The following SLC35F4 variants were observed in gnomAD, a reference collection of about 807,000 sequenced individuals.
The protein encoded by SLC35F4 is solute carrier family 35 member F4.
SLC35F4 carries 24 observed loss-of-function variants against 44.2 expected under a neutral mutation model. The ratio of observed to expected loss-of-function variants is 0.54; its 90% confidence interval spans 0.39 to 0.76. The LOEUF is 0.76. Ranked by LOEUF, SLC35F4 falls within the 30% of genes least tolerant of loss-of-function variation. SLC35F4 has a pLI of 0.00. For synonymous variants in SLC35F4, 238 were observed against 223.6 expected, an observed-to-expected ratio of 1.06 and a Z score of -0.57; for missense variants, 562 against 586.1, an observed-to-expected ratio of 0.96 and a Z score of 0.42.
At chr14:57,978,761 C>G (rs1045339742) in intron 1 of SLC35F4, among the ~76,000 whole-genome samples, 14 of 152,196 alleles carry the variant, frequency 9.2e-5, no homozygotes, top group African/African-American at 2.7e-4. Flanking sequence ...CAAACCTAAG[C>G]TCTTCCAAAA....
At chr14:57,639,143 T>C (rs2073127378) in intron 1 of SLC35F4, among the ~76,000 whole-genome samples, 1 of 152,068 alleles carries the variant, frequency 6.6e-6, no homozygotes, top group Non-Finnish European at 1.5e-5. Context: ...TATCACTGGT[T>C]TAGAAAACAA....
rs36099939 is a variant in SLC35F4, at chr14:57,902,563, C to CA, written n.282+79349dup. On this transcript the variant is annotated intron_variant and non_coding_transcript_variant, in intron 1 of 1. Transcript: ENST00000556568. ...GGGCAACAAGAGCGAAACTCAGTCT[C>CA]AAAAAAAAAAAAAAGAAGAAGAAGA... is the stretch of plus-strand genomic sequence containing the variant. 5.6e-3 allele frequency among the ~76,000 whole-genome samples: 717 copies of CA among 128,000 alleles called. 2 individuals carry two copies. Among genetic ancestry groups the CA allele is most frequent in the Non-Finnish European group, 7.2e-3 (427 of 58,916 alleles). The allele number at this position is 128,000 out of a possible 152,430, so 84.0% of individuals were successfully genotyped here.
chr14:57,568,379 A>G lies in SLC35F4; in HGVS notation c.1126+1409T>C, dbSNP rs533571710. Among the ~76,000 whole-genome samples, 24 of 152,362 alleles carry G rather than the reference A, an allele frequency of 1.6e-4. 2 individuals carry two copies. In the South Asian group the frequency reaches 5.0e-3, roughly 32 times the overall value. On this transcript the variant is annotated intron_variant, in intron 6 of 7. Coordinates refer to ENST00000556826, the MANE Select transcript of SLC35F4 (RefSeq NM_001306087.2). ...AAATCACATGTGCAATGAGGAGGCT[A>G]AAGGCCATTGAAATTTTACTTAGGA...
chr14:57,716,128 G>A (rs180989333), intron 1 of SLC35F4, among the ~76,000 whole-genome samples: 8 of 152,214 alleles, frequency 5.3e-5, no homozygotes, highest in Admixed American at 3.3e-4. Flanking sequence ...GTGTGCGTGC[G>A]GGTTTTCATG....
At chr14:57,801,187 G>T (rs2078185080) in intron 1 of SLC35F4, among the ~76,000 whole-genome samples, 1 of 152,172 alleles carries the variant, frequency 6.6e-6, no homozygotes, top group Non-Finnish European at 1.5e-5. Context: ...AACTCTACAA[G>T]CCAGAAGAGA....
chr14:57,962,126 G>C (rs1890350374), intron 1 of SLC35F4, among the ~76,000 whole-genome samples: 1 of 152,208 alleles, frequency 6.6e-6, no homozygotes, highest in Admixed American at 6.5e-5. Context: ...TTATGCTCTA[G>C]ATAACTGTAT....
intron 1 of SLC35F4, among the ~76,000 whole-genome samples, chr14:57,782,131 C>G (rs2077636604): frequency 6.6e-6 from 1 of 152,132 alleles, no homozygotes; most frequent in Admixed American, 6.5e-5. Context: ...TTATCAAGGA[C>G]AGTTTAACAT....
rs182604177 is a variant in SLC35F4, at chr14:57,901,707, G to T, written n.282+80206C>A. Among the ~76,000 whole-genome samples, 750 of 152,236 alleles carry T rather than the reference G, an allele frequency of 4.9e-3. 2 individuals are homozygous for T. The highest frequency in any genetic ancestry group is 0.017 in the African/African-American group (690 of 41,550). ...GAAAAATAAATAAAATGTTAAAAGA[G>T]AATGCCTAATAAATAATATTTGCGA... On this transcript the variant is annotated intron_variant and non_coding_transcript_variant, in intron 1 of 1. Transcript: ENST00000556568.
intron 1 of SLC35F4, among the ~76,000 whole-genome samples, chr14:57,700,879 C>A (rs1295733669): frequency 6.6e-6 from 1 of 152,092 alleles, no homozygotes; most frequent in African/African-American, 2.4e-5. Context: ...GCACTTCAGC[C>A]TGGGTGACAG....
chr14:57,790,103 C>A (rs908840826), intron 1 of SLC35F4, among the ~76,000 whole-genome samples: 6 of 152,190 alleles, frequency 3.9e-5, no homozygotes, highest in Non-Finnish European at 7.3e-5. Context: ...GATGCCCTTT[C>A]TCACCACTCC....
chr14:57,641,425 AC>A (rs1472599865), intron 1 of SLC35F4, among the ~76,000 whole-genome samples: 1 of 151,836 alleles, frequency 6.6e-6, no homozygotes, highest in African/African-American at 2.4e-5. Flanking sequence ...AGACTGGATG[AC>A]CCTAGTCAGC....
intron 1 of SLC35F4, among the ~76,000 whole-genome samples, chr14:57,743,440 T>C (rs142858667): frequency 0.033 from 4,960 of 152,222 alleles, 122 homozygotes; most frequent in South Asian, 0.053. Context: ...GGGAATACTA[T>C]AAACACCTCT....
chr14:57,953,464 C>T (rs1192529716), intron 1 of SLC35F4, among the ~76,000 whole-genome samples: 1 of 152,044 alleles, frequency 6.6e-6, no homozygotes, highest in East Asian at 1.9e-4. Flanking sequence ...GTCTAAATGC[C>T]TTAATTAAAA....
chr14:57,709,411 A>T (rs1236679186), intron 1 of SLC35F4, among the ~76,000 whole-genome samples: 1 of 152,102 alleles, frequency 6.6e-6, no homozygotes, highest in African/African-American at 2.4e-5. Flanking sequence ...GGTTTTTCCT[A>T]GGTTATGATT....
chr14:57,751,495 A>G (rs1162572935), intron 1 of SLC35F4, among the ~76,000 whole-genome samples: 2 of 152,166 alleles, frequency 1.3e-5, no homozygotes, highest in African/African-American at 4.8e-5. Context: ...TAAGTCATTC[A>G]TTGTACTGTA....
chr14:57,961,148 G>C (rs540188659), intron 1 of SLC35F4, among the ~76,000 whole-genome samples: 29 of 152,254 alleles, frequency 1.9e-4, no homozygotes, highest in African/African-American at 6.3e-4. Context: ...TGTCACTTGA[G>C]CTGGACCCAA....
At chr14:57,862,412 C>T (rs1887758425) in intron 1 of SLC35F4, among the ~76,000 whole-genome samples, 1 of 152,166 alleles carries the variant, frequency 6.6e-6, no homozygotes, top group Non-Finnish European at 1.5e-5. Flanking sequence ...ACTCTTCTCC[C>T]AAAACTCTTC....
intron 1 of SLC35F4, among the ~76,000 whole-genome samples, chr14:57,801,821 C>G (rs1891284819): frequency 6.6e-6 from 1 of 152,176 alleles, no homozygotes; most frequent in African/African-American, 2.4e-5. Flanking sequence ...GAGAAGCACT[C>G]AGATTCATAA....
At chr14:57,804,149 G>A (rs1453537819) in intron 1 of SLC35F4, among the ~76,000 whole-genome samples, 1 of 152,176 alleles carries the variant, frequency 6.6e-6, no homozygotes, top group Non-Finnish European at 1.5e-5. Context: ...AACATTTCAT[G>A]CTTGTGGATA....
Sources: allele counts gnomAD v4.1 joint callset (sites outside exome capture counted in the v4.1 genomes callset), GRCh38; gene constraint gnomAD v4.1.1; transcripts MANE v1.5; gene names NCBI Gene and HGNC (gene_info 2026-07-23, HGNC 2026-07-21).